PRKN: variants seen among roughly 807,000 people sequenced by gnomAD.
The protein encoded by PRKN is parkin RBR E3 ubiquitin protein ligase.
A neutral mutation model predicts 59.5 loss-of-function variants in PRKN; 56 were observed. The ratio of observed to expected loss-of-function variants is 0.94; its 90% CI spans 0.76 to 1.18. The LOEUF (loss-of-function observed/expected upper bound fraction) is 1.18, where lower values mean the gene tolerates loss of function less well. PRKN is among the 50% of genes most tolerant of loss of function. The pLI, the probability that PRKN is intolerant of heterozygous loss-of-function variation, is 0.00. For missense variants in PRKN, 657 were observed against 596.4 expected (o/e 1.10, Z -1.06); for synonymous variants, 250 against 222.1 (o/e 1.13, Z -1.12).
intron 7 of PRKN, among the ~76,000 whole-genome samples, chr6:161,695,998 A>T (rs914123177): frequency 6.6e-6 from 1 of 152,200 alleles, no homozygotes; most frequent in African/African-American, 2.4e-5. Flanking sequence ...TCATATCTGC[A>T]TAGAACATCC....
chr6:162,213,444 G>A (rs1041394035), intron 3 of PRKN, among the ~76,000 whole-genome samples: 12 of 151,576 alleles, frequency 7.9e-5, no homozygotes, highest in Non-Finnish European at 1.0e-4. Context: ...ATAGTAAAAC[G>A]ATGCTGGGCA....
At chr6:161,836,632 C>T (rs539744708) in intron 6 of PRKN, among the ~76,000 whole-genome samples, 1 of 152,248 alleles carries the variant, frequency 6.6e-6, no homozygotes, top group African/African-American at 2.4e-5. Context: ...TATGCCTCTC[C>T]AGGATTTCTC....
intron 1 of PRKN, among the ~76,000 whole-genome samples, chr6:162,618,571 C>T (rs1782525064): frequency 6.6e-6 from 1 of 152,138 alleles, no homozygotes; most frequent in African/African-American, 2.4e-5. Context: ...CGCTCTGAAT[C>T]TAAATAAGCC....
At chr6:161,744,240 G>C (rs1352347405) in intron 7 of PRKN, among the ~76,000 whole-genome samples, 1 of 149,896 alleles carries the variant, frequency 6.7e-6, no homozygotes, top group Non-Finnish European at 1.5e-5. Context: ...GAAACTTTCA[G>C]ATCTCCAAAT....
At chr6:162,629,439 C>A (rs115255232) in intron 1 of PRKN, among the ~76,000 whole-genome samples, 1 of 152,018 alleles carries the variant, frequency 6.6e-6, no homozygotes, top group African/African-American at 2.4e-5. Flanking sequence ...TCTCTTCATA[C>A]ATTTTTGTTT....
chr6:162,198,595 A>G (rs1784592642), intron 4 of PRKN, among the ~76,000 whole-genome samples: 1 of 152,176 alleles, frequency 6.6e-6, no homozygotes, highest in Non-Finnish European at 1.5e-5. Context: ...CACAAAAGGA[A>G]ATAGATACTA....
Position 161,518,138 on chromosome 6 carries a change from G to A in PRKN, c.1083+30716C>T, listed in dbSNP as rs563596363. Among the ~76,000 whole-genome samples, 72 of 152,256 alleles carry A rather than the reference G, an allele frequency of 4.7e-4. No individual in the cohort carries two copies. Among genetic ancestry groups the A allele is most frequent in the South Asian group, 1.7e-3 (8 of 4,814 alleles). On this transcript the variant is annotated intron_variant, in intron 9 of 11. Transcript: ENST00000366898. This position sits in a 1 kb window ranked among gnomAD's most constrained non-coding sequence, Gnocchi z 5.0. Reference sequence around the variant, plus strand: ...AGGCCACTGGCCTGGGGATGGGGCCGGGGGCACTCACTGCCTCCCTCACTG... The same window carrying A: ...AGGCCACTGGCCTGGGGATGGGGCCAGGGGCACTCACTGCCTCCCTCACTG...
chr6:162,530,886 G>A (rs570108515), intron 1 of PRKN, among the ~76,000 whole-genome samples: 41 of 151,162 alleles, frequency 2.7e-4, no homozygotes, highest in African/African-American at 1.0e-3. Context: ...GTGAAACCCT[G>A]TCTCTACTAA....
intron 2 of PRKN, among the ~76,000 whole-genome samples, chr6:162,413,832 A>G (rs1180371646): frequency 2.0e-5 from 3 of 152,162 alleles, no homozygotes; most frequent in Non-Finnish European, 2.9e-5. Flanking sequence ...TTAGGGAGAA[A>G]GCACAGACAC....
At chr6:162,443,080 TTCTC>T (rs199898133) in intron 2 of PRKN, among the ~76,000 whole-genome samples, 2 of 150,966 alleles carry the variant, frequency 1.3e-5, no homozygotes, top group African/African-American at 2.5e-5. Context: ...CGTGTGTTCT[TTCTC>T]TCTCTCTTTC....
chr6:161,720,329 C>T (rs1406227471), intron 7 of PRKN, among the ~76,000 whole-genome samples: 2 of 152,142 alleles, frequency 1.3e-5, no homozygotes, highest in Non-Finnish European at 2.9e-5. Context: ...CTACTATCTC[C>T]CTACCTTATG....
intron 1 of PRKN, among the ~76,000 whole-genome samples, chr6:162,541,790 C>T (rs13206450): frequency 0.18 from 27,565 of 152,112 alleles, 2,785 homozygotes; most frequent in South Asian, 0.3. Flanking sequence ...AGAAGGAATA[C>T]CCTAAGTATA....
At chr6:162,447,165 A>G (rs77896238) in intron 1 of PRKN, among the ~76,000 whole-genome samples, 1 of 152,294 alleles carries the variant, frequency 6.6e-6, no homozygotes, top group East Asian at 1.9e-4. Flanking sequence ...GTGCTCCAAA[A>G]ATAGTTCCCT....
intron 2 of PRKN, among the ~76,000 whole-genome samples, chr6:162,407,274 C>G (rs762589581): frequency 6.6e-6 from 1 of 152,136 alleles, no homozygotes; most frequent in Non-Finnish European, 1.5e-5. Flanking sequence ...GTAACATTGT[C>G]CAGGGAAACT....
At position 162,228,371 on chromosome 6, in the gene PRKN, T is replaced by G. The variant is rs147693405; in HGVS notation, c.413-27119A>C. Among the ~76,000 whole-genome samples, 808 of 152,298 alleles carry G rather than the reference T, an allele frequency of 5.3e-3. 4 individuals carry two copies. Among genetic ancestry groups the G allele is most frequent in the Middle Eastern group, 0.01 (3 of 294 alleles). On this transcript the variant is annotated intron_variant, in intron 3 of 11. Coordinates refer to ENST00000366898, the MANE Select transcript of PRKN (RefSeq NM_004562.3). ...CATAAGTGGGTCCCCGATGTTACAG[T>G]TGGTCAACCACACGTACAGACAGGG...
chr6:162,426,092 TTATCTTTCCTG>T (rs1455014570), intron 2 of PRKN, among the ~76,000 whole-genome samples: 4 of 152,318 alleles, frequency 2.6e-5, no homozygotes, highest in African/African-American at 9.6e-5. Context: ...CAATATAGAA[TTATCTTTCCTG>T]TAATTCAGAA....
In PRKN at chr6:161,446,575, G is replaced by A. The variant is rs1789504303; in HGVS notation, c.1084-59698C>T. Among the ~76,000 whole-genome samples the A allele has an allele frequency of 6.6e-6, 1 of 152,162 alleles. No individual in the cohort carries two copies. Among genetic ancestry groups the A allele is most frequent in the African/African-American group, 2.4e-5 (1 of 41,432 alleles). ...ATGGAGGAATTCATACCTGTTCCTG[G>A]AGCAATCTATTTTTAACCTTGTTAA... On this transcript the variant is annotated intron_variant, in intron 9 of 11. Coordinates refer to ENST00000366898, the MANE Select transcript of PRKN (RefSeq NM_004562.3). This position sits in a 1 kb window ranked among gnomAD's most constrained non-coding sequence, Gnocchi z 6.2.
In PRKN at chr6:161,348,971, G is replaced by C. The variant is rs770498017; in HGVS notation, c.*1128C>G. The C allele has an allele frequency of 9.9e-6, 2 of 202,066 alleles. No individual in the cohort carries two copies. The highest frequency in any genetic ancestry group is 6.0e-5 in the Admixed American group (1 of 16,646). 12.5% of individuals were successfully genotyped at this position (202,066 alleles called of 1,614,324 possible). ...TATTCTAGTGAGTTTACTGTCCTAA[G>C]AGAAGGTCTCTCCTGGGGAACCCCT... On this transcript the variant is annotated 3_prime_UTR_variant, in exon 12 of 12. Coordinates refer to ENST00000366898, the MANE Select transcript of PRKN (RefSeq NM_004562.3). The surrounding 1 kb of genome is among the most constrained non-coding windows in gnomAD (Gnocchi z 4.9).
chr6:162,723,413 C>A (rs959060550), intron 1 of PRKN, among the ~76,000 whole-genome samples: 4 of 152,264 alleles, frequency 2.6e-5, no homozygotes, highest in African/African-American at 9.6e-5. Flanking sequence ...GAGGGCAGGG[C>A]CACCAAGGAC....
Sources: gnomAD v4.1 joint callset for allele counts (sites outside exome capture counted in the v4.1 genomes callset) on GRCh38, gnomAD v4.1.1 for gene constraint, Gnocchi (gnomAD v3.1) non-coding constraint, MANE v1.5 for transcripts, NCBI Gene and HGNC (gene_info 2026-07-23, HGNC 2026-07-21) for gene names.